STAB2: variants seen among roughly 807,000 people sequenced by gnomAD.
STAB2 encodes the protein stabilin 2.
In STAB2, 288 loss-of-function variants were observed where a neutral mutation model predicts 338.1. The observed-to-expected ratio is 0.85, with a 90% CI of 0.77 to 0.94. STAB2 has a LOEUF of 0.94. Ranked by LOEUF, STAB2 falls within the 40% of genes least tolerant of loss-of-function variation. The pLI, the probability that STAB2 is intolerant of heterozygous loss-of-function variation, is 0.00. For synonymous variants in STAB2, 1,202 were observed against 1,193.3 expected (o/e 1.01, Z -0.15); for missense variants, 3,141 against 3,210.1 (o/e 0.98, Z 0.52).
In STAB2 at chr12:103,728,874, T is replaced by G. The variant is rs763841693; in HGVS notation, c.4961T>G (p.Leu1654Ter). The G allele has an allele frequency of 1.5e-5, 24 of 1,613,992 alleles. No homozygotes were observed. Among genetic ancestry groups the G allele is most frequent in the Non-Finnish European group, 2.0e-5 (24 of 1,179,876 alleles). The change falls in exon 48 of 69, where the codon TTA becomes TGA. Residue 1654 changes from leucine (L) to a stop codon, truncating the protein, a stop_gained. Transcript: ENST00000388887. LOFTEE classifies it high-confidence loss of function. ...GTTAAAGACTGGGACAAATACGGTT[T>G]AATGCCCCAGGTTCTTCGGTACCAT... ...ARVKDWDKYG[L>*]MPQVLRYHVV...
chr12:103,740,671 GA>G lies in STAB2; in HGVS notation c.5798del (p.Asn1933ThrfsTer12), dbSNP rs753946252. 1 of 1,612,056 alleles carries G rather than the reference GA, an allele frequency of 6.2e-7. No individual in the cohort carries two copies. The highest frequency in any genetic ancestry group is 1.3e-5 in the African/African-American group (1 of 74,886). On this transcript the variant is annotated frameshift_variant, in exon 55 of 69. Transcript: ENST00000388887. LOFTEE classifies it high-confidence loss of function. ...KCLYNLPFKR[N>X]LEGCRERCSL... ...GTCTCTACAACCTGCCCTTCAAGAGGAACCTGGAAGGCTGCCGGGAGCGGTG... is the reference window on the plus strand; with the variant it reads ...GTCTCTACAACCTGCCCTTCAAGAGGACCTGGAAGGCTGCCGGGAGCGGTG...
In STAB2 at chr12:103,751,635, C is replaced by T. The variant is rs115359271; in HGVS notation, c.6580+915C>T. Among the ~76,000 whole-genome samples, 289 of 152,192 alleles carry T rather than the reference C, an allele frequency of 1.9e-3. 1 individual carries two copies. The highest frequency in any genetic ancestry group is 6.5e-3 in the African/African-American group (271 of 41,520). On this transcript the variant is annotated intron_variant, in intron 60 of 68. Coordinates refer to ENST00000388887, the MANE Select transcript of STAB2 (RefSeq NM_017564.10). ...TGGGGATAAAAATGCACAGCTGGGACCAGCTGATTTGGAAGTTATTTGCCC... is the reference window on the plus strand; with the variant it reads ...TGGGGATAAAAATGCACAGCTGGGATCAGCTGATTTGGAAGTTATTTGCCC...
intron 1 of STAB2, among the ~76,000 whole-genome samples, chr12:103,590,651 A>G (rs1956781492): frequency 6.6e-6 from 1 of 152,222 alleles, no homozygotes; most frequent in Non-Finnish European, 1.5e-5. Flanking sequence ...GGTATGGCAA[A>G]TGTATGGTAC....
At chr12:103,687,623 C>T (rs1877549193) in intron 27 of STAB2, among the ~76,000 whole-genome samples, 1 of 152,180 alleles carries the variant, frequency 6.6e-6, no homozygotes, top group South Asian at 2.1e-4. Context: ...ACTTTAAAAA[C>T]AACTCCTATT....
At chr12:103,713,494 G>T in intron 41 of STAB2, 149 bp from the exon 42 acceptor site, 3 of 1,168,820 alleles carry the variant, frequency 2.6e-6, no homozygotes, top group Non-Finnish European at 3.6e-6. Flanking sequence ...TGTTTTACTT[G>T]CTCTCTGTTT....
intron 49 of STAB2, among the ~76,000 whole-genome samples, chr12:103,730,475 CA>C (rs1881547073): frequency 6.6e-6 from 1 of 152,150 alleles, no homozygotes; most frequent in African/African-American, 2.4e-5. Flanking sequence ...ATAGCATCCA[CA>C]AGGACAGGTA....
intron 51 of STAB2, among the ~76,000 whole-genome samples, chr12:103,733,428 C>T (rs939732278): frequency 8.5e-5 from 13 of 152,084 alleles, no homozygotes; most frequent in Admixed American, 8.5e-4. Context: ...AATCAATACC[C>T]AAGAGCATCA....
chr12:103,617,298 A>C (rs1050246926), intron 3 of STAB2, among the ~76,000 whole-genome samples: 49 of 152,234 alleles, frequency 3.2e-4, no homozygotes, highest in Non-Finnish European at 1.8e-4. Context: ...TAAATATCAA[A>C]GATCTTAGAT....
intron 15 of STAB2, among the ~76,000 whole-genome samples, chr12:103,657,440 C>T (rs776603985): frequency 1.4e-4 from 22 of 152,252 alleles, no homozygotes; most frequent in Admixed American, 3.9e-4. Flanking sequence ...TGTCAGCCAC[C>T]TTTGTTCCAA....
chr12:103,691,917 G>A, intron 30 of STAB2, among the ~76,000 whole-genome samples: 1 of 134,944 alleles, frequency 7.4e-6, no homozygotes, highest in Non-Finnish European at 1.6e-5. Context: ...TGAGTGGGTG[G>A]GTGGGTGGGT....
intron 3 of STAB2, among the ~76,000 whole-genome samples, chr12:103,612,537 C>G (rs1473601976): frequency 1.3e-5 from 2 of 152,248 alleles, no homozygotes; most frequent in African/African-American, 2.4e-5. Flanking sequence ...TCAGCTCCGT[C>G]AGGTCCTTTA....
chr12:103,704,743 C>T lies in STAB2; in HGVS notation c.3900+129C>T, dbSNP rs916172859. 3.0e-5 allele frequency: 24 copies of T among 799,758 alleles called. No individual in the cohort carries two copies. The South Asian group carries it at 4.1e-4, about 14-fold the overall frequency. The allele number at this position is 799,758 out of a possible 1,614,324, so 49.5% of individuals were successfully genotyped here. ...ACTTAATTTGAATTACACTTTACCTCGTTATATTATATGCATCTTTGTAAA... is the reference window on the plus strand; with the variant it reads ...ACTTAATTTGAATTACACTTTACCTTGTTATATTATATGCATCTTTGTAAA... On this transcript the variant is annotated intron_variant, in intron 36 of 68. Coordinates refer to ENST00000388887, the MANE Select transcript of STAB2 (RefSeq NM_017564.10).
Position 103,735,794 on chromosome 12 carries a change from G to A in STAB2, c.5550+214G>A, listed in dbSNP as rs148676043. On this transcript the variant is annotated intron_variant, in intron 52 of 68. Coordinates refer to ENST00000388887, the MANE Select transcript of STAB2 (RefSeq NM_017564.10). ...ATCCTGGCCAACCCAAGCCCTCCTA[G>A]CAGGTGGCAGGAAGCCTCTTACACT... Among the ~76,000 whole-genome samples the A allele has an allele frequency of 6.0e-3, 915 of 152,214 alleles. 5 individuals are homozygous for A. The highest frequency in any genetic ancestry group is 0.017 in the Middle Eastern group (5 of 294).
In STAB2 at chr12:103,753,400, C is replaced by G. The variant is rs3751199; in HGVS notation, c.6714+47C>G. 136 of 1,612,486 alleles carry G rather than the reference C, an allele frequency of 8.4e-5. 1 individual carries two copies. The African/African-American group carries it at 1.7e-3, about 21-fold the overall frequency. On this transcript the variant is annotated intron_variant, in intron 61 of 68. Transcript: ENST00000388887. Reference sequence around the variant, plus strand: ...TCTGTGCAGACAGAGTCTGCAGGGGCGGAAGTGCAGCCCTTTCTTAAGATG... The same window carrying G: ...TCTGTGCAGACAGAGTCTGCAGGGGGGGAAGTGCAGCCCTTTCTTAAGATG...
At chr12:103,594,747 C>A (rs1230685004) in intron 3 of STAB2, among the ~76,000 whole-genome samples, 3 of 152,064 alleles carry the variant, frequency 2.0e-5, no homozygotes, top group African/African-American at 7.2e-5. Flanking sequence ...GAAAAAGGGA[C>A]AATTGAAAGG....
intron 61 of STAB2, 144 bp downstream of exon 61, chr12:103,753,497 T>C: frequency 9.0e-7 from 1 of 1,114,206 alleles, no homozygotes; most frequent in Non-Finnish European, 1.3e-6. Context: ...ACAGTCACCA[T>C]GTCCATTTAT....
intron 34 of STAB2, among the ~76,000 whole-genome samples, chr12:103,701,505 AAATGAG>A (rs1329536818): frequency 2.0e-5 from 3 of 152,252 alleles, no homozygotes; most frequent in African/African-American, 7.2e-5. Flanking sequence ...AATGCTTTCT[AAATGAG>A]TAGACACAGT....
intron 7 of STAB2, 144 bp from the exon 8 acceptor site, chr12:103,637,872 G>C: frequency 1.2e-6 from 1 of 833,684 alleles, no homozygotes; most frequent in Non-Finnish European, 1.9e-6. Context: ...AAATCTGTCT[G>C]GTTCAGGGGG....
Position 103,706,969 on chromosome 12 carries a change from G to A in STAB2, c.4174G>A (p.Gly1392Ser), listed in dbSNP as rs560538109. 194 of 1,614,124 alleles carry A rather than the reference G, an allele frequency of 1.2e-4. No individual in the cohort carries two copies. In the Middle Eastern group the frequency reaches 1.3e-3, roughly 11 times the overall value. ...CGAGACCTGCACCGAGGGCAAGTAC[G>A]GCATCCACTGTGACCAAGGTGAGCA... ...ACETCTEGKY[G>S]IHCDQACSCV... Residue 1392 changes from glycine to serine, a missense_variant, in exon 38 of 69, where the codon GGC becomes AGC. By Grantham distance (56) the Gly-to-Ser change is moderately conservative. Coordinates refer to ENST00000388887, the MANE Select transcript of STAB2 (RefSeq NM_017564.10).
Sources: gnomAD v4.1 joint callset for allele counts (sites outside exome capture counted in the v4.1 genomes callset) on GRCh38, gnomAD v4.1.1 for gene constraint, MANE v1.5 for transcripts, NCBI Gene and HGNC (gene_info 2026-07-23, HGNC 2026-07-21) for gene names.